Variants in SNX8 observed in about 807,000 individuals in gnomAD.
SNX8 encodes sorting nexin 8.
SNX8 carries 25 observed loss-of-function variants against 51.6 expected under a neutral mutation model. That is an observed-to-expected ratio of 0.48 (90% confidence interval 0.35 to 0.68). The LOEUF is 0.68. SNX8 is among the 30% of genes least tolerant of loss of function. The probability of loss-of-function intolerance (pLI) is 0.00; values close to 1 mark genes in which losing one functional copy is unlikely to be tolerated. For synonymous variants in SNX8, 324 were observed against 277.0 expected, an observed-to-expected ratio of 1.17 and a Z score of -1.68; for missense variants, 695 against 624.0, an observed-to-expected ratio of 1.11 and a Z score of -1.21.
At chr7:2,331,208 G>GAAAGA (rs1306127802) in intron 1 of SNX8, among the ~76,000 whole-genome samples, 1 of 135,142 alleles carries the variant, frequency 7.4e-6, no homozygotes, top group Non-Finnish European at 1.6e-5. Flanking sequence ...AAAAAAGAAA[G>GAAAGA]AAAGAAAAGA....
intron 1 of SNX8, among the ~76,000 whole-genome samples, chr7:2,350,560 T>C (rs1001840310): frequency 2.0e-5 from 3 of 152,160 alleles, no homozygotes; most frequent in Admixed American, 2.0e-4. Context: ...TCCCAGCACT[T>C]TGGGAGGCCA....
At position 2,333,740 on chromosome 7, in the gene SNX8, A is replaced by C. The variant is rs563413013; in HGVS notation, c.-66+20482T>G. ...AATTGTGTAAAGGATTAATTCAATT[A>C]ACCTCATTGAATGAATCAATGTCGA... On this transcript the variant is annotated intron_variant, in intron 1 of 5. Transcript: ENST00000435336. Among the ~76,000 whole-genome samples the C allele has an allele frequency of 5.3e-5, 8 of 152,372 alleles. No homozygotes were observed. In the East Asian group the frequency reaches 1.5e-3, roughly 29 times the overall value.
Position 2,264,349 on chromosome 7 carries a change from G to C in SNX8, c.731C>G (p.Ser244Trp). The C allele has an allele frequency of 3.7e-6, 6 of 1,613,062 alleles. No individual in the cohort carries two copies. The highest frequency in any genetic ancestry group is 5.1e-6 in the Non-Finnish European group (6 of 1,179,878). The change falls in exon 6 of 11, where the codon TCG becomes TGG. Residue 244 changes from serine to tryptophan, a missense_variant. Coordinates refer to ENST00000222990, the MANE Select transcript of SNX8 (RefSeq NM_013321.4). Reference sequence around the variant, plus strand: ...ATCTGCCGCATTGTCGATGGCCCGCGATGCGATCCGCTCGGCCCTGTCGCG... The same window carrying C: ...ATCTGCCGCATTGTCGATGGCCCGCCATGCGATCCGCTCGGCCCTGTCGCG... ...KLRDRAERIA[S>W]RAIDNAADLL...
rs910268492 is a variant in SNX8 at position 2,293,168 on chromosome 7, T to C, written c.95-14863A>G. Among the ~76,000 whole-genome samples the C allele has an allele frequency of 7.4e-5, 11 of 148,658 alleles. 1 individual carries two copies. The highest frequency in any genetic ancestry group is 4.4e-4 in the South Asian group (2 of 4,522). On this transcript the variant is annotated intron_variant, in intron 1 of 10. Transcript: ENST00000222990. ...TGTAATCATAGCACTTTTGGGAGGC[T>C]GAGGTGGGAGGATCACATGAGCGCA...
intron 1 of SNX8, among the ~76,000 whole-genome samples, chr7:2,320,523 C>G (rs1796815611): frequency 6.6e-6 from 1 of 152,110 alleles, no homozygotes; most frequent in African/African-American, 2.4e-5. Context: ...GAGTTCAAGA[C>G]CAGCCTGGCA....
At chr7:2,276,785 T>C (rs141762957) in intron 2 of SNX8, among the ~76,000 whole-genome samples, 59 of 152,018 alleles carry the variant, frequency 3.9e-4, no homozygotes, top group African/African-American at 1.2e-3. Flanking sequence ...TCTCTACAAA[T>C]AATTTAAAAA....
At chr7:2,350,892 C>T (rs1448926548) in intron 1 of SNX8, among the ~76,000 whole-genome samples, 1 of 152,198 alleles carries the variant, frequency 6.6e-6, no homozygotes, top group Non-Finnish European at 1.5e-5. Flanking sequence ...AGTGATCCTC[C>T]TGCCTCACTC....
intron 1 of SNX8, among the ~76,000 whole-genome samples, chr7:2,296,356 G>T (rs1796272892): frequency 6.6e-6 from 1 of 152,020 alleles, no homozygotes; most frequent in Admixed American, 6.6e-5. Flanking sequence ...AAATGGGAAT[G>T]AGTTCTTGAT....
chr7:2,277,810 GA>G (rs35629553), intron 2 of SNX8, among the ~76,000 whole-genome samples: 47,232 of 146,276 alleles, frequency 0.32, 8,476 homozygotes, highest in East Asian at 0.57. Flanking sequence ...CCACATCGGG[GA>G]AAAAAAAAAA....
chr7:2,331,737 T>C (rs1010318462), intron 1 of SNX8, among the ~76,000 whole-genome samples: 1 of 149,672 alleles, frequency 6.7e-6, no homozygotes, highest in African/African-American at 2.5e-5. Flanking sequence ...AATAAATAAA[T>C]ACCATAGCAT....
chr7:2,337,444 G>C (rs1778851425), intron 1 of SNX8, among the ~76,000 whole-genome samples: 2 of 108,520 alleles, frequency 1.8e-5, no homozygotes, highest in Admixed American at 2.0e-4. Context: ...GCAAGACCCT[G>C]TCACAAAACA....
At chr7:2,280,700 G>A (rs1398168253) in intron 1 of SNX8, among the ~76,000 whole-genome samples, 1 of 151,678 alleles carries the variant, frequency 6.6e-6, no homozygotes, top group African/African-American at 2.4e-5. Context: ...TTTAACTCTC[G>A]ATTGTCTCAA....
chr7:2,256,859 G>T lies in SNX8; in HGVS notation c.1284+15C>A, dbSNP rs753209049. On this transcript the variant is annotated intron_variant, in intron 10 of 10. Coordinates refer to ENST00000222990, the MANE Select transcript of SNX8 (RefSeq NM_013321.4). ...GGCCGTGGCCGAGACGGCGGCCGGA[G>T]CAGGGCGGACTCACCTCCTTGTGCC... The T allele has an allele frequency of 8.1e-5, 130 of 1,605,022 alleles. No individual in the cohort carries two copies. Among genetic ancestry groups the T allele is most frequent in the Non-Finnish European group, 1.1e-4 (129 of 1,175,038 alleles).
intron 1 of SNX8, among the ~76,000 whole-genome samples, chr7:2,342,030 C>T (rs1041646351): frequency 1.4e-5 from 2 of 147,300 alleles, no homozygotes; most frequent in African/African-American, 2.5e-5. Flanking sequence ...GAGGCTGAGA[C>T]GGGCGGATCA....
chr7:2,287,005 G>T (rs537063415), intron 1 of SNX8, among the ~76,000 whole-genome samples: 1 of 151,340 alleles, frequency 6.6e-6, no homozygotes, highest in South Asian at 2.1e-4. Flanking sequence ...CAGGCGTGGT[G>T]GTGGGCACCT....
At chr7:2,267,060 C>G (rs1184407681) in intron 5 of SNX8, among the ~76,000 whole-genome samples, 1 of 152,206 alleles carries the variant, frequency 6.6e-6, no homozygotes, top group Non-Finnish European at 1.5e-5. Flanking sequence ...CCCGGCCCTG[C>G]TGCTTAGAGG....
intron 1 of SNX8, among the ~76,000 whole-genome samples, chr7:2,299,160 G>GA (rs1796337652): frequency 6.6e-6 from 1 of 151,944 alleles, no homozygotes; most frequent in South Asian, 2.1e-4. Flanking sequence ...CTGAGGTTCC[G>GA]TGGATGATTA....
intron 1 of SNX8, among the ~76,000 whole-genome samples, chr7:2,347,572 C>T (rs963427845): frequency 6.1e-5 from 9 of 146,356 alleles, no homozygotes; most frequent in Non-Finnish European, 7.5e-5. Context: ...CATGGTCAAA[C>T]GAGACAGGGA....
intron 1 of SNX8, among the ~76,000 whole-genome samples, chr7:2,320,846 C>G (rs1562456988): frequency 6.6e-6 from 1 of 152,000 alleles, no homozygotes; most frequent in African/African-American, 2.4e-5. Flanking sequence ...CATGTGAAAC[C>G]CTGTCTCTAC....
Sources: allele counts gnomAD v4.1 joint callset (sites outside exome capture counted in the v4.1 genomes callset), GRCh38; gene constraint gnomAD v4.1.1; transcripts MANE v1.5; gene names NCBI Gene and HGNC (gene_info 2026-07-23, HGNC 2026-07-21).